Variants in RIMS4 observed in about 807,000 individuals in gnomAD.
The protein encoded by RIMS4 is regulating synaptic membrane exocytosis protein 4.
A neutral mutation model predicts 29.0 loss-of-function variants in RIMS4; 9 were observed. That is an observed-to-expected ratio of 0.31 (90% CI 0.19 to 0.54). The LOEUF is 0.54. RIMS4 is among the 20% of genes least tolerant of loss of function. The probability of loss-of-function intolerance (pLI) is 0.94; values close to 1 mark genes in which losing one functional copy is unlikely to be tolerated. For synonymous variants in RIMS4, 130 were observed against 152.9 expected (o/e 0.85, Z 1.10); for missense variants, 193 against 365.7 (o/e 0.53, Z 3.85).
In RIMS4 at chr20:44,754,758, T is replaced by A. The variant is rs2066051113; in HGVS notation, c.*1376A>T. On this transcript the variant is annotated 3_prime_UTR_variant, in exon 6 of 6. Transcript: ENST00000372851. ...CCTGGGACTCTGTAAGGACTATGCA[T>A]GAGCTAAGAACAGGCCCCAGGGCTT... 6.5e-6 allele frequency: 1 copy of A among 152,764 alleles called. No homozygotes were observed. Among genetic ancestry groups the A allele is most frequent in the South Asian group, 2.1e-4 (1 of 4,830 alleles). 9.5% of individuals were successfully genotyped at this position (152,764 alleles called of 1,614,324 possible).
At chr20:44,768,217 C>T (rs1208716546) in intron 2 of RIMS4, among the ~76,000 whole-genome samples, 1 of 152,218 alleles carries the variant, frequency 6.6e-6, no homozygotes, top group Non-Finnish European at 1.5e-5. Flanking sequence ...AGAGTGGAAG[C>T]TCATGGAGGA....
intron 1 of RIMS4, among the ~76,000 whole-genome samples, chr20:44,799,323 C>T (rs1181044413): frequency 6.6e-6 from 1 of 152,034 alleles, no homozygotes; most frequent in African/African-American, 2.4e-5. Flanking sequence ...AAAATTATCC[C>T]TTGCTAGAGC....
chr20:44,759,595 A>G (rs2066075563), intron 2 of RIMS4, among the ~76,000 whole-genome samples: 1 of 152,192 alleles, frequency 6.6e-6, no homozygotes, highest in African/African-American at 2.4e-5. Context: ...ACCATCTTTT[A>G]AATAAGAAAC....
At chr20:44,787,105 C>G (rs2066211836) in intron 1 of RIMS4, among the ~76,000 whole-genome samples, 1 of 152,096 alleles carries the variant, frequency 6.6e-6, no homozygotes, top group Admixed American at 6.6e-5. Flanking sequence ...AGAAAGCATT[C>G]CCAACACAGG....
In RIMS4 at chr20:44,758,120, C is replaced by G. The variant is rs753614361; in HGVS notation, c.301G>C (p.Gly101Arg). ...TGGCGGCCCACAAACTGTGCCGGCC[C>G]CATGCTTCCCAGGAAGTCACTGAAC... ...AQFSDFLGSM[G>R]PAQFVGRQTL... The change falls in exon 3 of 6, where the codon GGG (glycine) becomes CGG (arginine). Residue 101 changes from glycine to arginine, a missense_variant. Transcript: ENST00000372851. 1 of 1,613,746 alleles carries G rather than the reference C, an allele frequency of 6.2e-7. No homozygotes were observed. Among genetic ancestry groups the G allele is most frequent in the Non-Finnish European group, 8.5e-7 (1 of 1,179,850 alleles).
rs189938971 is a variant in RIMS4 at position 44,753,057 on chromosome 20, G to C, written c.*3077C>G. ...CCCAGCAGACATGCACTGGAGCAAC[G>C]GTCTCCTGTCGCCTGAAGAACAATG... On this transcript the variant is annotated 3_prime_UTR_variant, in exon 6 of 6. Transcript: ENST00000372851. 4 of 152,782 alleles carry C rather than the reference G, an allele frequency of 2.6e-5. No individual in the cohort carries two copies. Among genetic ancestry groups the C allele is most frequent in the African/African-American group, 9.6e-5 (4 of 41,462 alleles). 9.5% of individuals were successfully genotyped at this position (152,782 alleles called of 1,614,324 possible). A position where few individuals can be genotyped will look rare whatever the true frequency, so the allele number is the denominator to read the frequency against.
At chr20:44,760,568 A>G (rs879381610) in intron 2 of RIMS4, among the ~76,000 whole-genome samples, 1 of 152,166 alleles carries the variant, frequency 6.6e-6, no homozygotes, top group Non-Finnish European at 1.5e-5. Flanking sequence ...ATGGATGATG[A>G]TTGCAGACCA....
At chr20:44,789,607 A>G (rs2066224073) in intron 1 of RIMS4, among the ~76,000 whole-genome samples, 1 of 152,172 alleles carries the variant, frequency 6.6e-6, no homozygotes, top group African/African-American at 2.4e-5. Context: ...TCCAGGTTGG[A>G]GTGCTATGAC....
Position 44,754,239 on chromosome 20 carries a change from C to T in RIMS4, c.*1895G>A, listed in dbSNP as rs1191158508. 1 of 152,508 alleles carries T rather than the reference C, an allele frequency of 6.6e-6. No individual in the cohort carries two copies. The highest frequency in any genetic ancestry group is 1.5e-5 in the Non-Finnish European group (1 of 68,146). The allele number at this position is 152,508 out of a possible 1,614,324, so 9.4% of individuals were successfully genotyped here. A position where few individuals can be genotyped will look rare whatever the true frequency, so the allele number is the denominator to read the frequency against. ...CGGTCCCAGGAAACTCTGAAGACCTCCTGGGTAAAGGGGGCGTCTCCATCT... is the reference window on the plus strand; with the variant it reads ...CGGTCCCAGGAAACTCTGAAGACCTTCTGGGTAAAGGGGGCGTCTCCATCT... On this transcript the variant is annotated 3_prime_UTR_variant, in exon 6 of 6. Coordinates refer to ENST00000372851, the MANE Select transcript of RIMS4 (RefSeq NM_182970.4).
intron 2 of RIMS4, among the ~76,000 whole-genome samples, chr20:44,764,230 C>T (rs1280555632): frequency 6.6e-6 from 1 of 151,244 alleles, no homozygotes; most frequent in Admixed American, 6.6e-5. Context: ...ATCCATCCGT[C>T]CATCCATTCA....
Position 44,810,157 on chromosome 20 carries a change from G to A in RIMS4, c.97+18C>T, listed in dbSNP as rs752872371. 7 of 1,547,024 alleles carry A rather than the reference G, an allele frequency of 4.5e-6. No individual in the cohort carries two copies. Among genetic ancestry groups the A allele is most frequent in the East Asian group, 2.4e-5 (1 of 42,198 alleles). ...CCCGGGACACCCCGGGGGTCTGGGG[G>A]GCGGGCCGCGCGCTTACCTGCGTCC... On this transcript the variant is annotated intron_variant, in intron 1 of 5. Coordinates refer to ENST00000372851, the MANE Select transcript of RIMS4 (RefSeq NM_182970.4).
intron 1 of RIMS4, among the ~76,000 whole-genome samples, chr20:44,800,493 T>C (rs769866921): frequency 6.6e-6 from 1 of 152,038 alleles, no homozygotes; most frequent in African/African-American, 2.4e-5. Flanking sequence ...GTTTAAAATG[T>C]TGTAGCATCT....
chr20:44,803,495 C>T (rs1022355219), intron 1 of RIMS4, among the ~76,000 whole-genome samples: 1 of 152,174 alleles, frequency 6.6e-6, no homozygotes, highest in Non-Finnish European at 1.5e-5. Flanking sequence ...GCTGCCCTCT[C>T]GCCACCCCCA....
intron 1 of RIMS4, among the ~76,000 whole-genome samples, chr20:44,774,748 C>G (rs1414340035): frequency 2.0e-5 from 3 of 152,196 alleles, no homozygotes; most frequent in Non-Finnish European, 4.4e-5. Context: ...GCCCTCCCCT[C>G]CTTTCTGAAA....
Position 44,754,117 on chromosome 20 carries a change from GA to G in RIMS4, c.*2016del, listed in dbSNP as rs2066047496. On this transcript the variant is annotated 3_prime_UTR_variant, in exon 6 of 6. Coordinates refer to ENST00000372851, the MANE Select transcript of RIMS4 (RefSeq NM_182970.4). ...AACAGCAGAGAAATCACACTGGTTAGAAAAACAAACAGGCAAGGGGCCAATT... is the reference window on the plus strand; with the variant it reads ...AACAGCAGAGAAATCACACTGGTTAGAAAACAAACAGGCAAGGGGCCAATT... 6.6e-6 allele frequency: 1 copy of G among 152,282 alleles called. No homozygotes were observed. Among genetic ancestry groups the G allele is most frequent in the African/African-American group, 2.4e-5 (1 of 41,442 alleles). 9.4% of individuals were successfully genotyped at this position (152,282 alleles called of 1,614,324 possible).
chr20:44,788,643 T>C (rs900570947), intron 1 of RIMS4, among the ~76,000 whole-genome samples: 4 of 152,126 alleles, frequency 2.6e-5, no homozygotes, highest in African/African-American at 9.7e-5. Flanking sequence ...CAAGGCGGCT[T>C]GTGCCTGCTG....
intron 2 of RIMS4, among the ~76,000 whole-genome samples, chr20:44,760,733 A>G (rs531343855): frequency 6.6e-6 from 1 of 152,262 alleles, no homozygotes; most frequent in East Asian, 1.9e-4. Flanking sequence ...AGCACATACT[A>G]TGCACTCTAT....
chr20:44,754,169 A>G lies in RIMS4; in HGVS notation c.*1965T>C, dbSNP rs955396289. 5 of 152,268 alleles carry G rather than the reference A, an allele frequency of 3.3e-5. No homozygotes were observed. The highest frequency in any genetic ancestry group is 1.3e-4 in the Admixed American group (2 of 15,282). 9.4% of individuals were successfully genotyped at this position (152,268 alleles called of 1,614,324 possible). The stretch of plus-strand genomic sequence containing the variant: ...CTGTGCCTTGAATGCGAATCCCTCC[A>G]GAGCCCTGCTCCTTCCACCCCCAGC... On this transcript the variant is annotated 3_prime_UTR_variant, in exon 6 of 6. Transcript: ENST00000372851.
chr20:44,786,394 C>T (rs532580921), intron 1 of RIMS4, among the ~76,000 whole-genome samples: 3 of 152,330 alleles, frequency 2.0e-5, no homozygotes, highest in African/African-American at 7.2e-5. Flanking sequence ...CCAGGCAGGG[C>T]CAGTCACCCC....
Sources: gnomAD v4.1 joint callset for allele counts (sites outside exome capture counted in the v4.1 genomes callset) on GRCh38, gnomAD v4.1.1 for gene constraint, MANE v1.5 for transcripts, NCBI Gene and HGNC (gene_info 2026-07-23, HGNC 2026-07-21) for gene names.